Variants in ROCK2 observed in about 807,000 individuals in gnomAD.
ROCK2 encodes Rho associated coiled-coil containing protein kinase 2, also known as rho-associated protein kinase 2.
In ROCK2, 61 loss-of-function variants were observed where a neutral mutation model predicts 195.1. The ratio of observed to expected loss-of-function variants is 0.31; its 90% CI spans 0.25 to 0.39. The LOEUF is 0.39. ROCK2 is among the 10% of genes least tolerant of loss of function. ROCK2 has a pLI of 1.00. For synonymous variants in ROCK2, 504 were observed against 545.5 expected, an observed-to-expected ratio of 0.92 and a Z score of 1.06; for missense variants, 1,109 against 1,637.4, an observed-to-expected ratio of 0.68 and a Z score of 5.57.
rs1664507545 is a variant in ROCK2, at chr2:11,218,439, GACA to G, written c.1332+13_1332+15del. 1 of 1,554,380 alleles carries G rather than the reference GACA, an allele frequency of 6.4e-7. No homozygotes were observed. Among genetic ancestry groups the G allele is most frequent in the East Asian group, 2.3e-5 (1 of 43,604 alleles). On this transcript the variant is annotated intron_variant, in intron 11 of 32. Coordinates refer to ENST00000315872, the MANE Select transcript of ROCK2 (RefSeq NM_004850.5). ...CTTTTCTCAGTTTTTCAATATATCTGACAACATCAACATACCTCTTGACTTTCC... is the reference window on the plus strand; with the variant it reads ...CTTTTCTCAGTTTTTCAATATATCTGACATCAACATACCTCTTGACTTTCC...
rs1416784787 is a variant in ROCK2 at position 11,197,619 on chromosome 2, C to A, written c.3186G>T (p.Glu1062Asp). Residue 1062 changes from glutamate to aspartate, a missense_variant, in exon 26 of 33, where the codon GAG becomes GAT. By Grantham distance (45) the Glu-to-Asp change is conservative. Coordinates refer to ENST00000315872, the MANE Select transcript of ROCK2 (RefSeq NM_004850.5). The surrounding 1 kb of genome is among the most constrained non-coding windows in gnomAD (Gnocchi z 4.9). ...NDTDVRRKEKENRKLHMELKS... is the reference protein window; with the variant it reads ...NDTDVRRKEKDNRKLHMELKS... ...TAAGCTCCATATGTAGCTTTCTATT[C>A]TCCTTCTCTTTTCTCCGCACATCTG... 1 of 1,613,734 alleles carries A rather than the reference C, an allele frequency of 6.2e-7. No individual in the cohort carries two copies. Among genetic ancestry groups the A allele is most frequent in the Non-Finnish European group, 8.5e-7 (1 of 1,179,814 alleles).
At chr2:11,196,471 C>T (rs543285296) in intron 27 of ROCK2, among the ~76,000 whole-genome samples, 6 of 152,290 alleles carry the variant, frequency 3.9e-5, no homozygotes, top group African/African-American at 9.6e-5. Flanking sequence ...CTCCATTTCT[C>T]GCAAGTTGGC....
At chr2:11,211,908 A>ATT (rs376149202) in intron 17 of ROCK2, 68 bp from the exon 18 acceptor site, 34,623 of 1,000,686 alleles carry the variant, frequency 0.035, 273 homozygotes, top group Non-Finnish European at 0.038. Context: ...AAGCTTTCTA[A>ATT]TTTTTTTTTT....
At chr2:11,341,961 C>T (rs1669119423) in intron 1 of ROCK2, among the ~76,000 whole-genome samples, 1 of 152,098 alleles carries the variant, frequency 6.6e-6, no homozygotes, top group African/African-American at 2.4e-5. Context: ...CTGCCACTAA[C>T]CTGTACACTT....
intron 1 of ROCK2, among the ~76,000 whole-genome samples, chr2:11,322,165 A>G (rs928685346): frequency 2.0e-5 from 3 of 152,172 alleles, no homozygotes; most frequent in African/African-American, 7.2e-5. Flanking sequence ...CAGAACTTTG[A>G]GATAATAAAT....
intron 5 of ROCK2, among the ~76,000 whole-genome samples, chr2:11,232,459 A>T (rs1454134190): frequency 2.0e-5 from 3 of 152,208 alleles, no homozygotes; most frequent in African/African-American, 7.2e-5. Flanking sequence ...TGGCTTTGGT[A>T]TAGTAACAAT....
intron 32 of ROCK2, among the ~76,000 whole-genome samples, chr2:11,186,118 T>G (rs1274655677): frequency 6.6e-6 from 1 of 152,226 alleles, no homozygotes; most frequent in Admixed American, 6.5e-5. Flanking sequence ...CGACTCAAAT[T>G]ACTCTTTTAA....
At chr2:11,191,744 T>C (rs1663431377) in intron 32 of ROCK2, among the ~76,000 whole-genome samples, 1 of 152,184 alleles carries the variant, frequency 6.6e-6, no homozygotes, top group Non-Finnish European at 1.5e-5. Context: ...CTAAATGAAG[T>C]ATAACAAAAC....
intron 32 of ROCK2, among the ~76,000 whole-genome samples, chr2:11,188,218 C>A (rs925876273): frequency 1.4e-5 from 2 of 147,378 alleles, no homozygotes; most frequent in Non-Finnish European, 3.0e-5. Context: ...TCAAGCAATT[C>A]TCTGCCTCAG....
chr2:11,244,392 A>C (rs12478098), intron 4 of ROCK2, among the ~76,000 whole-genome samples: 67,146 of 151,932 alleles, frequency 0.44, 15,407 homozygotes, highest in Admixed American at 0.54. Context: ...TGAACTGTAC[A>C]TGGGGATTCA....
chr2:11,325,869 C>T (rs543461166), intron 1 of ROCK2, among the ~76,000 whole-genome samples: 14 of 151,982 alleles, frequency 9.2e-5, no homozygotes, highest in African/African-American at 7.3e-5. Context: ...CAGGGATATG[C>T]GAGGCAAGTG....
At chr2:11,302,839 T>G (rs1667748763) in intron 1 of ROCK2, among the ~76,000 whole-genome samples, 1 of 152,206 alleles carries the variant, frequency 6.6e-6, no homozygotes, top group Non-Finnish European at 1.5e-5. Context: ...TTCATCTGTT[T>G]CCCTCCACCT....
chr2:11,235,412 A>AT lies in ROCK2; in HGVS notation c.723+289dup, dbSNP rs1665167703. On this transcript the variant is annotated intron_variant, in intron 5 of 32. Transcript: ENST00000315872. This position sits in a 1 kb window ranked among gnomAD's most constrained non-coding sequence, Gnocchi z 4.2. ...GTCCTTCTTCACCTAAATTATACAT[A>AT]TGAACCGGTTTTGATTGGTAGCAAA... is the stretch of plus-strand genomic sequence containing the variant. Among the ~76,000 whole-genome samples, 1 of 152,174 alleles carries AT rather than the reference A, an allele frequency of 6.6e-6. No homozygotes were observed. The highest frequency in any genetic ancestry group is 1.5e-5 in the Non-Finnish European group (1 of 68,020).
chr2:11,295,531 T>C (rs2148206914), intron 1 of ROCK2, among the ~76,000 whole-genome samples: 1 of 152,302 alleles, frequency 6.6e-6, no homozygotes, highest in Middle Eastern at 3.4e-3. Flanking sequence ...GTGCTCACAG[T>C]ACACAGAATA....
chr2:11,215,457 T>C (rs369571499), intron 14 of ROCK2, 45 bp from the exon 15 acceptor site: 22 of 1,605,218 alleles, frequency 1.4e-5, no homozygotes, highest in Middle Eastern at 1.7e-4. Flanking sequence ...ATAACACACA[T>C]ACACACACTT....
intron 5 of ROCK2, among the ~76,000 whole-genome samples, chr2:11,227,813 G>A (rs546015487): frequency 3.9e-5 from 6 of 152,164 alleles, no homozygotes; most frequent in Admixed American, 2.6e-4. Context: ...ATAAACTGAA[G>A]TAATCAAGAT....
intron 3 of ROCK2, among the ~76,000 whole-genome samples, chr2:11,275,196 G>A (rs544552592): frequency 6.6e-6 from 1 of 151,726 alleles, no homozygotes; most frequent in South Asian, 2.1e-4. Context: ...GGCAGAGGTT[G>A]CAGTGAGCCG....
intron 1 of ROCK2, among the ~76,000 whole-genome samples, chr2:11,336,598 C>T (rs1668935496): frequency 6.6e-6 from 1 of 152,140 alleles, no homozygotes; most frequent in South Asian, 2.1e-4. Context: ...AGAACCAGGA[C>T]TGATGATCCG....
At chr2:11,290,986 T>G (rs1667345178) in intron 1 of ROCK2, among the ~76,000 whole-genome samples, 1 of 152,072 alleles carries the variant, frequency 6.6e-6, no homozygotes, top group Non-Finnish European at 1.5e-5. Context: ...TTAGCTCCAA[T>G]GCAGAAACTA....
Sources: allele counts gnomAD v4.1 joint callset (sites outside exome capture counted in the v4.1 genomes callset), GRCh38; gene constraint gnomAD v4.1.1; non-coding constraint Gnocchi (gnomAD v3.1); transcripts MANE v1.5; gene names NCBI Gene and HGNC (gene_info 2026-07-23, HGNC 2026-07-21).